RUFY3: variants seen among roughly 807,000 people sequenced by gnomAD.
RUFY3 encodes the protein protein RUFY3.
In RUFY3, 34 loss-of-function variants were observed where a neutral mutation model predicts 84.0. The observed-to-expected ratio is 0.40, with a 90% CI of 0.31 to 0.54. RUFY3 has a LOEUF of 0.54. RUFY3 is among the 20% of genes least tolerant of loss of function. RUFY3 has a pLI of 0.39. For missense variants in RUFY3, 507 were observed against 736.8 expected, an observed-to-expected ratio of 0.69 and a Z score of 3.61; for synonymous variants, 242 against 252.9, an observed-to-expected ratio of 0.96 and a Z score of 0.41.
chr4:70,747,425 A>G (rs1284764314), intron 1 of RUFY3, among the ~76,000 whole-genome samples: 1 of 152,118 alleles, frequency 6.6e-6, no homozygotes, highest in African/African-American at 2.4e-5. Flanking sequence ...TTTGTTTGAA[A>G]GACACTCCAG....
intron 15 of RUFY3, among the ~76,000 whole-genome samples, chr4:70,800,485 C>A (rs577051587): frequency 3.9e-5 from 6 of 152,320 alleles, no homozygotes; most frequent in African/African-American, 1.4e-4. Context: ...TATTTCCCAC[C>A]TTTACTGAAT....
intron 1 of RUFY3, among the ~76,000 whole-genome samples, chr4:70,747,507 A>AG (rs1223811997): frequency 6.6e-6 from 1 of 152,034 alleles, no homozygotes; most frequent in Non-Finnish European, 1.5e-5. Context: ...TGCAAAAAAA[A>AG]AAAAACAAAT....
chr4:70,734,420 G>C, intron 1 of RUFY3: 3 of 985,358 alleles, frequency 3.0e-6, no homozygotes, highest in Non-Finnish European at 3.6e-6. Context: ...ACACTGTCAG[G>C]TTCTCTGAGC....
rs758649386 is a variant in RUFY3 at position 70,783,179 on chromosome 4, G to A, written c.983G>A (p.Arg328Gln). The A allele has an allele frequency of 2.9e-5, 46 of 1,574,046 alleles. No homozygotes were observed. The highest frequency in any genetic ancestry group is 3.7e-5 in the Non-Finnish European group (42 of 1,145,160). The stretch of plus-strand genomic sequence containing the variant: ...AGTTCCTACATACTGGAATCCAATC[G>A]GAAGGTTAATCTTACTGGATTTATA... ...EESSYILESN[R>Q]KGPKQDRTAE... The change falls in exon 9 of 18, where the codon CGG becomes CAG. Residue 328 changes from arginine (R) to glutamine (Q), a missense_variant. Around this residue, in one of 4 missense-constraint regions of RUFY3, gnomAD observed 334 missense variants for 364.1 expected, o/e 0.92. Coordinates refer to ENST00000381006, the MANE Select transcript of RUFY3 (RefSeq NM_001037442.4).
At chr4:70,798,661 A>G (rs561152312) in intron 14 of RUFY3, among the ~76,000 whole-genome samples, 6 of 152,152 alleles carry the variant, frequency 3.9e-5, no homozygotes, top group African/African-American at 1.2e-4. Flanking sequence ...GTGCACCTAT[A>G]ATCCCAGCTA....
intron 1 of RUFY3, among the ~76,000 whole-genome samples, chr4:70,713,768 A>G (rs1437109345): frequency 6.6e-6 from 1 of 152,144 alleles, no homozygotes; most frequent in Non-Finnish European, 1.5e-5. Flanking sequence ...GAACTTAGGA[A>G]ATCTGATCAC....
chr4:70,783,744 TC>T (rs1398126668), intron 9 of RUFY3, among the ~76,000 whole-genome samples: 1 of 152,188 alleles, frequency 6.6e-6, no homozygotes, highest in Non-Finnish European at 1.5e-5. Context: ...CATTGACAAT[TC>T]CCTACTAAAT....
upstream of RUFY3, among the ~76,000 whole-genome samples, chr4:70,720,888 C>CGTGTGTGTGTGT (rs71210198): frequency 4.8e-4 from 67 of 138,552 alleles, 1 homozygote; most frequent in African/African-American, 1.4e-3. Context: ...AATATAGGGC[C>CGTGTGTGTGTGT]GTGTGTGTGT....
At chr4:70,746,716 A>G (rs1252040328) in intron 1 of RUFY3, among the ~76,000 whole-genome samples, 1 of 152,224 alleles carries the variant, frequency 6.6e-6, no homozygotes, top group African/African-American at 2.4e-5. Context: ...CTCAGTTGTA[A>G]AAAGGAAGAG....
rs962642582 is a variant in RUFY3 at position 70,799,765 on chromosome 4, G to C, written c.1558-376G>C. 5 of 216,240 alleles carry C rather than the reference G, an allele frequency of 2.3e-5. No individual in the cohort carries two copies. The East Asian group carries it at 8.3e-4, about 36-fold the overall frequency. The allele number at this position is 216,240 out of a possible 1,614,324, so 13.4% of individuals were successfully genotyped here. ...AACGTCCAGAGGATTATAGTCTGCT[G>C]TATATGGCCATCCTTGGTTTTACCA... On this transcript the variant is annotated intron_variant, in intron 14 of 17. Coordinates refer to ENST00000381006, the MANE Select transcript of RUFY3 (RefSeq NM_001037442.4).
chr4:70,738,036 G>A (rs1458466518), intron 1 of RUFY3, among the ~76,000 whole-genome samples: 3 of 143,474 alleles, frequency 2.1e-5, no homozygotes, highest in African/African-American at 7.9e-5. Flanking sequence ...AGGCTGGAGT[G>A]CAAGTGGTAC....
intron 9 of RUFY3, among the ~76,000 whole-genome samples, chr4:70,784,314 C>G (rs1041256600): frequency 1.1e-4 from 16 of 152,156 alleles, no homozygotes; most frequent in African/African-American, 3.6e-4. Flanking sequence ...GAAACCCCGT[C>G]TCTACTAAAA....
Position 70,778,405 on chromosome 4 carries a change from A to G in RUFY3, c.861A>G (p.Ala287=). The change falls in exon 8 of 18, where the codon GCA becomes GCG. Residue 287 remains alanine (A), a synonymous_variant. Coordinates refer to ENST00000381006, the MANE Select transcript of RUFY3 (RefSeq NM_001037442.4). ...ACAACCTTCAGGCAAAAGTAGATGC[A>G]TTAGAAAAATCCAACACTAAACTGA... is the stretch of plus-strand genomic sequence containing the variant. ...TVNNLQAKVD[A]LEKSNTKLTE... is the part of the protein sequence containing the mutation. The G allele has an allele frequency of 6.2e-7, 1 of 1,606,086 alleles. No homozygotes were observed. Among genetic ancestry groups the G allele is most frequent in the South Asian group, 1.1e-5 (1 of 90,728 alleles).
chr4:70,796,302 CTG>C (rs1349954122), intron 14 of RUFY3, among the ~76,000 whole-genome samples: 1 of 152,232 alleles, frequency 6.6e-6, no homozygotes, highest in Admixed American at 6.5e-5. Context: ...TCCCTAAAAA[CTG>C]TTGCCATGAC....
chr4:70,746,399 C>G (rs1263051915), intron 1 of RUFY3, among the ~76,000 whole-genome samples: 3 of 148,246 alleles, frequency 2.0e-5, no homozygotes, highest in African/African-American at 7.5e-5. Context: ...CCCAGCTACT[C>G]AGAAGGCTGA....
At chr4:70,763,509 T>C in intron 2 of RUFY3, 43 bp from the exon 3 acceptor site, 1 of 1,509,498 alleles carries the variant, frequency 6.6e-7, no homozygotes, top group Non-Finnish European at 9.1e-7. Context: ...TGCGCTTATG[T>C]TGTAAAGAAT....
At chr4:70,749,454 A>C (rs2148667762) in intron 1 of RUFY3, among the ~76,000 whole-genome samples, 1 of 152,072 alleles carries the variant, frequency 6.6e-6, no homozygotes, top group East Asian at 1.9e-4. Flanking sequence ...AGAATGAGTA[A>C]GAGTATATGA....
intron 1 of RUFY3, among the ~76,000 whole-genome samples, chr4:70,737,854 A>G (rs1720613766): frequency 6.6e-6 from 1 of 151,000 alleles, no homozygotes; most frequent in Non-Finnish European, 1.5e-5. Context: ...TTGTATTTTT[A>G]GTAGAGACAG....
intron 1 of RUFY3, among the ~76,000 whole-genome samples, chr4:70,739,080 CTTTTTTT>C (rs111822896): frequency 7.3e-6 from 1 of 137,494 alleles, no homozygotes; most frequent in Non-Finnish European, 1.6e-5. Context: ...GGCTATTTGT[CTTTTTTT>C]TTTTTTTTGC....
Sources: gnomAD v4.1 joint callset for allele counts (sites outside exome capture counted in the v4.1 genomes callset) on GRCh38, gnomAD v4.1.1 for gene constraint, gnomAD v4.1.1 regional missense constraint, MANE v1.5 for transcripts, NCBI Gene and HGNC (gene_info 2026-07-23, HGNC 2026-07-21) for gene names.